Variants in MVB12B observed in about 807,000 individuals in gnomAD.
MVB12B encodes ESCRT-I complex subunit MVB12B.
MVB12B carries 16 observed loss-of-function variants against 41.6 expected under a neutral mutation model. That is an observed-to-expected ratio of 0.38 (90% CI 0.26 to 0.58). MVB12B has a LOEUF of 0.58. MVB12B is among the 20% of genes least tolerant of loss of function. The probability of loss-of-function intolerance (pLI) is 0.62; values close to 1 mark genes in which losing one functional copy is unlikely to be tolerated. For synonymous variants in MVB12B, 133 were observed against 139.7 expected, an observed-to-expected ratio of 0.95 and a Z score of 0.34; for missense variants, 274 against 380.2, an observed-to-expected ratio of 0.72 and a Z score of 2.32.
intron 7 of MVB12B, among the ~76,000 whole-genome samples, chr9:126,465,616 C>T (rs747677416): frequency 1.4e-5 from 2 of 143,836 alleles, no homozygotes; most frequent in African/African-American, 2.6e-5. Context: ...GAGCTGGGGG[C>T]GCAGCTATCA....
intron 7 of MVB12B, among the ~76,000 whole-genome samples, chr9:126,466,658 T>C (rs981281484): frequency 6.6e-6 from 1 of 152,188 alleles, no homozygotes; most frequent in Non-Finnish European, 1.5e-5. Flanking sequence ...TGTTGTATTG[T>C]TGAATTTATT....
chr9:126,415,087 G>A (rs1438865981), intron 6 of MVB12B, among the ~76,000 whole-genome samples: 1 of 152,076 alleles, frequency 6.6e-6, no homozygotes, highest in African/African-American at 2.4e-5. Flanking sequence ...AACTCCCTTG[G>A]CTGGGAGCTG....
intron 4 of MVB12B, among the ~76,000 whole-genome samples, chr9:126,387,929 C>G (rs1830844532): frequency 6.6e-6 from 1 of 152,232 alleles, no homozygotes; most frequent in South Asian, 2.1e-4. Flanking sequence ...ACTCCAGCCA[C>G]ACTTTTAACC....
At chr9:126,470,972 G>A (rs780242246) in intron 7 of MVB12B, among the ~76,000 whole-genome samples, 16 of 152,154 alleles carry the variant, frequency 1.1e-4, no homozygotes, top group African/African-American at 1.7e-4. Context: ...CAGTTCGTTC[G>A]TACCTAGGGC....
At chr9:126,466,677 C>A (rs1350475460) in intron 7 of MVB12B, among the ~76,000 whole-genome samples, 1 of 152,134 alleles carries the variant, frequency 6.6e-6, no homozygotes, top group East Asian at 1.9e-4. Flanking sequence ...TTTACATACA[C>A]TTTAGAGCAC....
intron 9 of MVB12B, among the ~76,000 whole-genome samples, chr9:126,490,093 G>A (rs1564349892): frequency 1.3e-5 from 2 of 152,214 alleles, no homozygotes; most frequent in Non-Finnish European, 2.9e-5. Flanking sequence ...TTCTCTGGGC[G>A]TGAGGAGATG....
At chr9:126,335,310 A>G in intron 1 of MVB12B, 1 of 1,301,220 alleles carries the variant, frequency 7.7e-7, no homozygotes, top group Non-Finnish European at 1.0e-6. Flanking sequence ...ACAGCCTCTC[A>G]GTCTGTGCAC....
rs375322228 is a variant in MVB12B, at chr9:126,497,756, T to A, written c.874-5421T>A. ...TGGAGCTGGGGCTTCCCGCTGGGTA[T>A]GCAGCCTCTCCAATGTCTCTAGAAC... is the stretch of plus-strand genomic sequence containing the variant. On this transcript the variant is annotated intron_variant, in intron 9 of 9. Coordinates refer to ENST00000361171, the MANE Select transcript of MVB12B (RefSeq NM_033446.3). Among the ~76,000 whole-genome samples the A allele has an allele frequency of 3.3e-5, 5 of 152,328 alleles. No homozygotes were observed. The East Asian group carries it at 7.7e-4, about 24-fold the overall frequency.
At chr9:126,446,938 C>CTTTTTTTTT (rs33991689) in intron 7 of MVB12B, among the ~76,000 whole-genome samples, 4 of 104,322 alleles carry the variant, frequency 3.8e-5, no homozygotes, top group Non-Finnish European at 5.4e-5. Context: ...TTTTAACTTT[C>CTTTTTTTTT]TTTTTTTTTT....
intron 2 of MVB12B, among the ~76,000 whole-genome samples, chr9:126,361,476 T>G (rs1830028372): frequency 6.6e-6 from 1 of 152,232 alleles, no homozygotes; most frequent in African/African-American, 2.4e-5. Context: ...AATAATAACA[T>G]AGTCTTTTAT....
rs1239816042 is a variant in MVB12B, at chr9:126,480,590, G to A, written c.758-779G>A. 2.6e-5 allele frequency among the ~76,000 whole-genome samples: 4 copies of A among 152,270 alleles called. No individual in the cohort carries two copies. The highest frequency in any genetic ancestry group is 9.6e-5 in the African/African-American group (4 of 41,564). ...AGGCCCCTGGTTTCTCCATCGTTGC[G>A]TCCCCGTTCCATGCCCTTTTTCTCG... On this transcript the variant is annotated intron_variant, in intron 7 of 9. Transcript: ENST00000361171. The surrounding 1 kb of genome is among the most constrained non-coding windows in gnomAD (Gnocchi z 4.9).
chr9:126,433,542 A>C (rs1167295327), intron 7 of MVB12B, among the ~76,000 whole-genome samples: 2 of 151,760 alleles, frequency 1.3e-5, no homozygotes, highest in African/African-American at 4.8e-5. Context: ...CCCCTACTCT[A>C]GCTCTCCTGT....
At chr9:126,339,963 A>T (rs1277772524) in intron 1 of MVB12B, among the ~76,000 whole-genome samples, 1 of 152,168 alleles carries the variant, frequency 6.6e-6, no homozygotes, top group East Asian at 1.9e-4. Flanking sequence ...CTAGTCAGTC[A>T]TGGAGCCTGG....
At chr9:126,467,337 C>A (rs1225586383) in intron 7 of MVB12B, among the ~76,000 whole-genome samples, 1 of 152,188 alleles carries the variant, frequency 6.6e-6, no homozygotes, top group Non-Finnish European at 1.5e-5. Context: ...GATAGAGTCT[C>A]ACTCTCAGTG....
chr9:126,470,676 G>GTGTA (rs1554783716), intron 7 of MVB12B, among the ~76,000 whole-genome samples: 2 of 151,332 alleles, frequency 1.3e-5, no homozygotes, highest in African/African-American at 4.9e-5. Context: ...GTGTGTGTGT[G>GTGTA]TAATCCAGAT....
Position 126,503,315 on chromosome 9 carries a change from C to G in MVB12B, c.*52C>G. On this transcript the variant is annotated 3_prime_UTR_variant, in exon 10 of 10. Transcript: ENST00000361171. ...CCACCGCCGCCCAGACTACTGACGG[C>G]AGGGGCTGCTGCCCCCGCCTCCTCC... is the stretch of plus-strand genomic sequence containing the variant. 6.9e-7 allele frequency: 1 copy of G among 1,451,512 alleles called. No homozygotes were observed. The highest frequency in any genetic ancestry group is 9.4e-7 in the Non-Finnish European group (1 of 1,061,444). The allele number at this position is 1,451,512 out of a possible 1,614,324, so 89.9% of individuals were successfully genotyped here.
chr9:126,342,243 T>C (rs1829463941), intron 2 of MVB12B, among the ~76,000 whole-genome samples: 1 of 152,052 alleles, frequency 6.6e-6, no homozygotes, highest in Non-Finnish European at 1.5e-5. Context: ...CAGGGGTCGC[T>C]CTCCTAGGAG....
chr9:126,381,156 A>G lies in MVB12B; in HGVS notation c.297A>G (p.Ser99=), dbSNP rs2286889. ...KVTRYLCFTR[S]FSKENSHLGN... ...CCAGATACCTGTGTTTCACAAGATCATTTTCCAAAGAAAATGTAAGTCTAG... is the reference window on the plus strand; with the variant it reads ...CCAGATACCTGTGTTTCACAAGATCGTTTTCCAAAGAAAATGTAAGTCTAG... Residue 99 remains serine, a synonymous_variant, in exon 3 of 10, where the codon TCA becomes TCG. Transcript: ENST00000361171. 0.11 allele frequency: 176,575 copies of G among 1,612,318 alleles called. 11,160 individuals are homozygous for G. The highest frequency in any genetic ancestry group is 0.25 in the East Asian group (11,190 of 44,852).
At chr9:126,438,252 A>G (rs761690560) in intron 7 of MVB12B, among the ~76,000 whole-genome samples, 1 of 152,194 alleles carries the variant, frequency 6.6e-6, no homozygotes, top group Non-Finnish European at 1.5e-5. Flanking sequence ...AAATTGTGCT[A>G]CTTTCTCCTT....
Sources: allele counts gnomAD v4.1 joint callset (sites outside exome capture counted in the v4.1 genomes callset), GRCh38; gene constraint gnomAD v4.1.1; non-coding constraint Gnocchi (gnomAD v3.1); transcripts MANE v1.5; gene names NCBI Gene and HGNC (gene_info 2026-07-23, HGNC 2026-07-21).